The following KY variants were observed in gnomAD, a reference collection of about 807,000 sequenced individuals.
KY encodes the protein kyphoscoliosis peptidase.
Under a neutral mutation model 76.1 loss-of-function variants are expected in KY, and 43 were observed. The observed-to-expected ratio is 0.57, with a 90% CI of 0.44 to 0.73. The LOEUF (loss-of-function observed/expected upper bound fraction) is 0.73. Ranked by LOEUF, KY falls within the 30% of genes least tolerant of loss-of-function variation. The pLI, the probability that KY is intolerant of heterozygous loss-of-function variation, is 0.00. For missense variants in KY, 722 were observed against 828.9 expected (o/e 0.87, Z 1.58); for synonymous variants, 277 against 326.2 (o/e 0.85, Z 1.63).
intron 3 of KY, among the ~76,000 whole-genome samples, chr3:134,631,093 A>G (rs1198098389): frequency 6.6e-6 from 1 of 152,234 alleles, no homozygotes; most frequent in Non-Finnish European, 1.5e-5. Context: ...TCTGTAGGTC[A>G]ATACCCAAAA....
intron 3 of KY, 52 bp from the exon 4 acceptor site, chr3:134,629,747 T>C: frequency 8.9e-7 from 1 of 1,129,776 alleles, no homozygotes; most frequent in Non-Finnish European, 1.3e-6. Context: ...CAGGAAAGGG[T>C]GAATGCCTCA....
In KY at chr3:134,603,580, C is replaced by T; in HGVS notation, c.1985G>A (p.Ter662=). ...YILKYKVNAQ[*] ...GAGGGTAAGACCGGGGCACAGCCCTCACTGGGCATTCACTTTGTATTTCAG... is the reference window on the plus strand; with the variant it reads ...GAGGGTAAGACCGGGGCACAGCCCTTACTGGGCATTCACTTTGTATTTCAG... Residue 662 remains the stop codon, a stop_retained_variant, in exon 11 of 11, where the codon TGA becomes TAA. Transcript: ENST00000423778. 1.9e-6 allele frequency: 3 copies of T among 1,572,460 alleles called. No individual in the cohort carries two copies. Among genetic ancestry groups the T allele is most frequent in the East Asian group, 2.3e-5 (1 of 44,398 alleles).
At chr3:134,646,363 C>T (rs1333279473) in intron 2 of KY, among the ~76,000 whole-genome samples, 1 of 152,014 alleles carries the variant, frequency 6.6e-6, no homozygotes, top group African/African-American at 2.4e-5. Context: ...AGGACTCTTA[C>T]CAAAGGCAGG....
At chr3:134,614,880 T>C (rs1028558556) in intron 8 of KY, among the ~76,000 whole-genome samples, 1 of 152,136 alleles carries the variant, frequency 6.6e-6, no homozygotes, top group African/African-American at 2.4e-5. Context: ...GCAGTAGACT[T>C]TCCCAAATCT....
intron 1 of KY, among the ~76,000 whole-genome samples, chr3:134,648,180 G>A (rs909075972): frequency 3.3e-5 from 5 of 152,202 alleles, no homozygotes; most frequent in African/African-American, 7.2e-5. Flanking sequence ...ATCCTGGCGC[G>A]GAAGGAGTAT....
At chr3:134,635,690 C>T (rs989454848) in intron 3 of KY, among the ~76,000 whole-genome samples, 5 of 151,882 alleles carry the variant, frequency 3.3e-5, no homozygotes, top group Admixed American at 2.6e-4. Context: ...CATGTGTTAG[C>T]AATCAGAACT....
chr3:134,647,251 C>T (rs1267433856), intron 2 of KY, among the ~76,000 whole-genome samples, 184 bp downstream of exon 2: 2 of 152,218 alleles, frequency 1.3e-5, no homozygotes, highest in African/African-American at 4.8e-5. Flanking sequence ...AGCAGGGGAC[C>T]TGACTCCAGG....
chr3:134,608,285 TGA>T (rs1451735907), intron 10 of KY: 8 of 1,213,124 alleles, frequency 6.6e-6, no homozygotes, highest in Admixed American at 3.5e-5. Flanking sequence ...CTATGTGAAC[TGA>T]GAGAGACTCA....
rs549114560 is a variant in KY, at chr3:134,634,500, A to G, written c.263-4805T>C. Among the ~76,000 whole-genome samples, 76 of 152,392 alleles carry G rather than the reference A, an allele frequency of 5.0e-4. 1 individual carries two copies. In the South Asian group the frequency reaches 6.0e-3, roughly 12 times the overall value. On this transcript the variant is annotated intron_variant, in intron 3 of 10. Transcript: ENST00000423778. ...AAGACAATTCAGTTGGAAAAAGGGC[A>G]AAAGAATAGATATTTTACTATAAAA...
Position 134,619,141 on chromosome 3 carries a change from C to G in KY, c.710+7G>C, listed in dbSNP as rs1311383477. The G allele has an allele frequency of 6.2e-7, 1 of 1,611,496 alleles. No individual in the cohort carries two copies. Among genetic ancestry groups the G allele is most frequent in the Non-Finnish European group, 8.5e-7 (1 of 1,178,014 alleles). Reference sequence around the variant, plus strand: ...GTGGTCAGCATGGGGACTCCTGTCTCTCGTACCTGCACATTCTCTCGAAGA... The same window carrying G: ...GTGGTCAGCATGGGGACTCCTGTCTGTCGTACCTGCACATTCTCTCGAAGA... On this transcript the variant is annotated splice_region_variant and intron_variant, in intron 8 of 10. Transcript: ENST00000423778.
intron 4 of KY, chr3:134,628,213 A>G (rs192526257): frequency 1.3e-3 from 263 of 200,646 alleles, no homozygotes; most frequent in South Asian, 1.5e-3. Context: ...GGATGGAAAC[A>G]AAGATGCAGG....
chr3:134,648,108 C>T (rs997103848), intron 1 of KY, among the ~76,000 whole-genome samples: 5 of 152,214 alleles, frequency 3.3e-5, no homozygotes, highest in Non-Finnish European at 1.5e-5. Flanking sequence ...GCCGCAAGGT[C>T]GAGTTCCTGG....
At chr3:134,606,850 C>G (rs1959262316) in intron 10 of KY, among the ~76,000 whole-genome samples, 1 of 151,786 alleles carries the variant, frequency 6.6e-6, no homozygotes, top group Admixed American at 6.6e-5. Context: ...CCACGGCACT[C>G]TCCTAGAGCC....
In KY at chr3:134,607,678, C is replaced by T. The variant is rs546380977; in HGVS notation, c.1090+971G>A. On this transcript the variant is annotated intron_variant, in intron 10 of 10. Transcript: ENST00000423778. Reference sequence around the variant, plus strand: ...TTTTTTGTGACCAGTTCTGGCCCTCCAGGGCAGCCCCCGTATGCCTCAGAG... The same window carrying T: ...TTTTTTGTGACCAGTTCTGGCCCTCTAGGGCAGCCCCCGTATGCCTCAGAG... 397 of 985,762 alleles carry T rather than the reference C, an allele frequency of 4.0e-4. 2 individuals carry two copies. In the African/African-American group the frequency reaches 6.6e-3, roughly 16 times the overall value. 61.1% of individuals were successfully genotyped at this position (985,762 alleles called of 1,614,324 possible). A position where few individuals can be genotyped will look rare whatever the true frequency, so the allele number is the denominator to read the frequency against.
chr3:134,616,411 G>A (rs1378178291), intron 8 of KY, among the ~76,000 whole-genome samples: 1 of 152,172 alleles, frequency 6.6e-6, no homozygotes, highest in Non-Finnish European at 1.5e-5. Flanking sequence ...ATCAGCAAGT[G>A]CGGATTATAT....
rs773515446 is a variant in KY, at chr3:134,608,651, G to C, written c.1088C>G (p.Thr363Arg). 1.9e-6 allele frequency: 3 copies of C among 1,614,028 alleles called. No homozygotes were observed. Among genetic ancestry groups the C allele is most frequent in the Non-Finnish European group, 2.5e-6 (3 of 1,179,896 alleles). The change falls in exon 10 of 11, where the codon ACA (threonine) becomes AGA (arginine). Residue 363 changes from threonine to arginine, a missense_variant and splice_region_variant. Around this residue, in one of 2 missense-constraint regions of KY, gnomAD observed 552 missense variants for 680.9 expected, o/e 0.81. Coordinates refer to ENST00000423778, the MANE Select transcript of KY (RefSeq NM_178554.6). The part of the protein sequence containing the change: ...SAHPETSMIR[T>R]VNGKATVTIE... ...ACTGGCACCTGCTCCGGGCTCACCT[G>C]TTCTGATCATGGAAGTCTCTGGGTG...
chr3:134,637,765 C>A (rs1176935606), intron 3 of KY, among the ~76,000 whole-genome samples: 2 of 152,198 alleles, frequency 1.3e-5, no homozygotes, highest in Non-Finnish European at 2.9e-5. Flanking sequence ...CGTTACATGC[C>A]CTGAGCCATG....
intron 3 of KY, among the ~76,000 whole-genome samples, chr3:134,643,005 A>G (rs1453687574): frequency 6.6e-6 from 1 of 152,150 alleles, no homozygotes; most frequent in African/African-American, 2.4e-5. Flanking sequence ...TCTGGCACAT[A>G]GTTAGCATTC....
intron 2 of KY, among the ~76,000 whole-genome samples, chr3:134,645,383 A>G (rs1966318285): frequency 6.6e-6 from 1 of 152,186 alleles, no homozygotes; most frequent in African/African-American, 2.4e-5. Flanking sequence ...GCTCAGCAGC[A>G]TCTGTGTGCA....
Sources: allele counts gnomAD v4.1 joint callset (sites outside exome capture counted in the v4.1 genomes callset), GRCh38; gene constraint gnomAD v4.1.1; regional missense constraint gnomAD v4.1.1; transcripts MANE v1.5; gene names NCBI Gene and HGNC (gene_info 2026-07-23, HGNC 2026-07-21).